The following CARD14 variants were observed in gnomAD, a reference collection of about 807,000 sequenced individuals.
CARD14 encodes the protein caspase recruitment domain family member 14, also known as caspase recruitment domain-containing protein 14.
Under a neutral mutation model 111.5 loss-of-function variants are expected in CARD14, and 107 were observed. The observed-to-expected ratio is 0.96, with a 90% CI of 0.82 to 1.13. The LOEUF (loss-of-function observed/expected upper bound fraction) is 1.13. CARD14 is among the 50% of genes most tolerant of loss of function. The pLI is 0.00. For missense variants in CARD14, 1,322 were observed against 1,362.3 expected, an observed-to-expected ratio of 0.97 and a Z score of 0.47; for synonymous variants, 617 against 579.6, an observed-to-expected ratio of 1.06 and a Z score of -0.93.
At chr17:80,173,631 C>T (rs1370643982) in intron 2 of CARD14, among the ~76,000 whole-genome samples, 1 of 151,168 alleles carries the variant, frequency 6.6e-6, no homozygotes, top group Non-Finnish European at 1.5e-5. Flanking sequence ...TGGAGTCTCG[C>T]ACTGTCACCC....
At chr17:80,181,089 TAAA>T (rs60307812) in intron 4 of CARD14, among the ~76,000 whole-genome samples, 1 of 141,446 alleles carries the variant, frequency 7.1e-6, no homozygotes, top group Non-Finnish European at 1.6e-5. Context: ...GATGAATTTC[TAAA>T]AAAAAAAAAA....
chr17:80,184,232 G>A lies in CARD14; in HGVS notation c.669G>A (p.Gln223=), dbSNP rs777994413. 82 of 1,526,296 alleles carry A rather than the reference G, an allele frequency of 5.4e-5. 2 individuals are homozygous for A. In the South Asian group the frequency reaches 1.0e-3, roughly 19 times the overall value. 94.5% of individuals were successfully genotyped at this position (1,526,296 alleles called of 1,614,324 possible). The change falls in exon 7 of 24, where the codon CAG becomes CAA. Residue 223 remains glutamine (Q), a synonymous_variant. Transcript: ENST00000648509. ...ELAASRCRSL[Q]EELYLLKQEL... ...CCGCCTCACGCTGCCGCAGCCTGCA[G>A]GAGGAGGTAGGGGGACACCCTGCAC... is the stretch of plus-strand genomic sequence containing the variant.
At chr17:80,177,236 CT>C (rs908510244) in intron 2 of CARD14, among the ~76,000 whole-genome samples, 15 of 148,898 alleles carry the variant, frequency 1.0e-4, no homozygotes, top group African/African-American at 9.8e-5. Flanking sequence ...CTTCTTCTTT[CT>C]TTTTTTTTTA....
In CARD14 at chr17:80,188,545, G is replaced by T. The variant is rs1567877527; in HGVS notation, c.843+1G>T. The stretch of plus-strand genomic sequence containing the variant: ...ACTGCGCTCGCTGACTTTCAGCCTG[G>T]TAGGTTCCGGTCCCCGCAGCAGAGA... On this transcript the variant is annotated splice_donor_variant, in intron 8 of 23. Coordinates refer to ENST00000648509, the MANE Select transcript of CARD14 (RefSeq NM_001366385.1). LOFTEE classifies it high-confidence loss of function. The surrounding 1 kb of genome is among the most constrained non-coding windows in gnomAD (Gnocchi z 4.5). 2.0e-6 allele frequency: 3 copies of T among 1,500,326 alleles called. No homozygotes were observed. Among genetic ancestry groups the T allele is most frequent in the Non-Finnish European group, 2.7e-6 (3 of 1,123,140 alleles). 92.9% of individuals were successfully genotyped at this position (1,500,326 alleles called of 1,614,324 possible).
At chr17:80,175,162 G>C (rs1254155470) in intron 2 of CARD14, among the ~76,000 whole-genome samples, 1 of 151,796 alleles carries the variant, frequency 6.6e-6, no homozygotes, top group African/African-American at 2.4e-5. Context: ...ATTTTTTGTA[G>C]AGACAGGGTT....
chr17:80,191,310 TCGTGG>T lies in CARD14; in HGVS notation c.1090-11_1090-7del. 6.2e-7 allele frequency: 1 copy of T among 1,603,664 alleles called. No homozygotes were observed. Among genetic ancestry groups the T allele is most frequent in the Non-Finnish European group, 8.5e-7 (1 of 1,171,530 alleles). On this transcript the variant is annotated splice_polypyrimidine_tract_variant and splice_region_variant and intron_variant, in intron 10 of 23. Transcript: ENST00000648509. Reference sequence around the variant, plus strand: ...TGATGGCGCGGCCTCCTTACTCCCGTCGTGGCCCACAGGCGTACTCCGCGAGGGAC... The same window carrying T: ...TGATGGCGCGGCCTCCTTACTCCCGTCCCACAGGCGTACTCCGCGAGGGAC...
chr17:80,181,512 G>T lies in CARD14; in HGVS notation c.74G>T (p.Ser25Ile), dbSNP rs2040173674. 1 of 1,585,972 alleles carries T rather than the reference G, an allele frequency of 6.3e-7. No individual in the cohort carries two copies. Among genetic ancestry groups the T allele is most frequent in the Non-Finnish European group, 8.6e-7 (1 of 1,165,156 alleles). The part of the protein sequence containing the change: ...DEETLWEMME[S>I]HRHRIVRCIC... ...GAGACACTGTGGGAGATGATGGAGA[G>T]CCACCGCCACAGGATCGTACGCTGC... The change falls in exon 5 of 24, where the codon AGC becomes ATC. Residue 25 changes from serine (S) to isoleucine (I), a missense_variant. Physicochemically the swap from Ser to Ile is moderately radical, Grantham distance 142. Transcript: ENST00000648509.
Position 80,179,089 on chromosome 17 carries a change from T to C in CARD14, c.-218-15T>C, listed in dbSNP as rs955061962. 5.3e-5 allele frequency: 8 copies of C among 152,226 alleles called. No individual in the cohort carries two copies. Among genetic ancestry groups the C allele is most frequent in the African/African-American group, 1.9e-4 (8 of 41,442 alleles). The allele number at this position is 152,226 out of a possible 1,614,324, so 9.4% of individuals were successfully genotyped here. A position where few individuals can be genotyped will look rare whatever the true frequency, so the allele number is the denominator to read the frequency against. On this transcript the variant is annotated splice_polypyrimidine_tract_variant and intron_variant, in intron 3 of 23. Coordinates refer to ENST00000648509, the MANE Select transcript of CARD14 (RefSeq NM_001366385.1). Reference sequence around the variant, plus strand: ...TGACAGGTGTTGATTTGCTCTGATTTTCAAGTATTTTTAGCATACAGATCC... The same window carrying C: ...TGACAGGTGTTGATTTGCTCTGATTCTCAAGTATTTTTAGCATACAGATCC...
In CARD14 at chr17:80,184,152, G is replaced by T; in HGVS notation, c.589G>T (p.Glu197Ter). The change falls in exon 7 of 24, where the codon GAG becomes TAG. Residue 197 changes from glutamate (E) to a stop codon, truncating the protein, a stop_gained. Coordinates refer to ENST00000648509, the MANE Select transcript of CARD14 (RefSeq NM_001366385.1). LOFTEE classifies it high-confidence loss of function. ...HFHEVLRLKDEMLSLSLHYSN... is the reference protein window; with the variant it reads ...HFHEVLRLKD The stretch of plus-strand genomic sequence containing the variant: ...CCATGAGGTGCTGAGGCTGAAGGAC[G>T]AGATGCTCAGCCTCTCGCTGCACTA... The T allele has an allele frequency of 6.4e-7, 1 of 1,565,916 alleles. No individual in the cohort carries two copies.
In CARD14 at chr17:80,203,672, C is replaced by G; in HGVS notation, c.2220-150C>G. On this transcript the variant is annotated intron_variant, in intron 18 of 23. Transcript: ENST00000648509. This position sits in a 1 kb window ranked among gnomAD's most constrained non-coding sequence, Gnocchi z 4.6. ...GGCATGGCCGCCAGGATGGAGCGCT[C>G]CAGCCTGCAGCAAAGGGATGTGTGG... The G allele has an allele frequency of 5.0e-6, 3 of 596,748 alleles. No homozygotes were observed. Among genetic ancestry groups the G allele is most frequent in the Non-Finnish European group, 6.0e-6 (2 of 335,218 alleles). The allele number at this position is 596,748 out of a possible 1,614,324, so 37.0% of individuals were successfully genotyped here. A position where few individuals can be genotyped will look rare whatever the true frequency, so the allele number is the denominator to read the frequency against.
chr17:80,176,984 C>G (rs1057454608), intron 2 of CARD14, among the ~76,000 whole-genome samples: 3 of 152,230 alleles, frequency 2.0e-5, no homozygotes, highest in Non-Finnish European at 4.4e-5. Context: ...TAAATTACCA[C>G]AAACTGGGTG....
At chr17:80,185,004 G>A (rs2040298701) in intron 7 of CARD14, among the ~76,000 whole-genome samples, 1 of 152,192 alleles carries the variant, frequency 6.6e-6, no homozygotes, top group African/African-American at 2.4e-5. Context: ...TACTGAGGAT[G>A]TGCACTCCTT....
chr17:80,190,190 G>T (rs1294777957), intron 9 of CARD14, among the ~76,000 whole-genome samples: 1 of 152,196 alleles, frequency 6.6e-6, no homozygotes, highest in African/African-American at 2.4e-5. Context: ...AGAGGACAGG[G>T]AGGGAAAATT....
chr17:80,188,373 A>T lies in CARD14; in HGVS notation c.676-4A>T, dbSNP rs200596848. The T allele has an allele frequency of 1.2e-5, 19 of 1,607,110 alleles. No individual in the cohort carries two copies. The East Asian group carries it at 4.3e-4, about 36-fold the overall frequency. The stretch of plus-strand genomic sequence containing the variant: ...GCCCTTCCTGTCGCCTCCCCACCGC[A>T]CAGCTGTATCTACTGAAGCAGGAGC... On this transcript the variant is annotated splice_polypyrimidine_tract_variant and splice_region_variant and intron_variant, in intron 7 of 23. Transcript: ENST00000648509. This position sits in a 1 kb window ranked among gnomAD's most constrained non-coding sequence, Gnocchi z 4.5.
In CARD14 at chr17:80,195,935, G is replaced by A; in HGVS notation, c.1594+283G>A. 2.4e-6 allele frequency: 1 copy of A among 425,326 alleles called. No individual in the cohort carries two copies. The allele number at this position is 425,326 out of a possible 1,614,324, so 26.3% of individuals were successfully genotyped here. A position where few individuals can be genotyped will look rare whatever the true frequency, so the allele number is the denominator to read the frequency against. Reference sequence around the variant, plus strand: ...TGATCCACGCCCTGCTCAGCACCCAGCCCCCTGCTCTGATCTGTAACGCTT... The same window carrying A: ...TGATCCACGCCCTGCTCAGCACCCAACCCCCTGCTCTGATCTGTAACGCTT... On this transcript the variant is annotated intron_variant, in intron 14 of 23. Coordinates refer to ENST00000648509, the MANE Select transcript of CARD14 (RefSeq NM_001366385.1). The surrounding 1 kb of genome is among the most constrained non-coding windows in gnomAD (Gnocchi z 4.7).
At chr17:80,202,082 G>A in intron 17 of CARD14, 98 bp from the exon 18 acceptor site, 2 of 1,277,894 alleles carry the variant, frequency 1.6e-6, no homozygotes, top group Non-Finnish European at 1.1e-6. Context: ...TCTGAGACTG[G>A]GAGGGTCCTT....
chr17:80,188,353 T>A lies in CARD14; in HGVS notation c.676-24T>A. Reference sequence around the variant, plus strand: ...GGGGAGAAGCTGTTTCCATCGCCCTTCCTGTCGCCTCCCCACCGCACAGCT... The same window carrying A: ...GGGGAGAAGCTGTTTCCATCGCCCTACCTGTCGCCTCCCCACCGCACAGCT... On this transcript the variant is annotated intron_variant, in intron 7 of 23. Transcript: ENST00000648509. The surrounding 1 kb of genome is among the most constrained non-coding windows in gnomAD (Gnocchi z 4.5). The A allele has an allele frequency of 6.2e-7, 1 of 1,601,898 alleles. No homozygotes were observed. The highest frequency in any genetic ancestry group is 8.5e-7 in the Non-Finnish European group (1 of 1,174,502).
chr17:80,184,576 A>G (rs1258777304), intron 7 of CARD14, among the ~76,000 whole-genome samples: 1 of 152,208 alleles, frequency 6.6e-6, no homozygotes, highest in Non-Finnish European at 1.5e-5. Flanking sequence ...CCTACGTCCC[A>G]CTGCCCAGCT....
At position 80,181,562 on chromosome 17, in the gene CARD14, T is replaced by A; in HGVS notation, c.124T>A (p.Tyr42Asn). The A allele has an allele frequency of 6.4e-7, 1 of 1,568,258 alleles. No individual in the cohort carries two copies. Among genetic ancestry groups the A allele is most frequent in the South Asian group, 1.2e-5 (1 of 85,166 alleles). The change falls in exon 5 of 24, where the codon TAC (tyrosine) becomes AAC (asparagine). Residue 42 changes from tyrosine (Y) to asparagine (N), a missense_variant. By Grantham distance (143) the Tyr-to-Asn change is moderately radical. Transcript: ENST00000648509. ...RCICPSRLTP[Y>N]LRQAKVLCQL... ...CATCTGCCCCAGCCGCCTCACCCCC[T>A]ACCTGCGCCAGGCCAAGGTGCTGTG...
Sources: allele counts gnomAD v4.1 joint callset (sites outside exome capture counted in the v4.1 genomes callset), GRCh38; gene constraint gnomAD v4.1.1; non-coding constraint Gnocchi (gnomAD v3.1); transcripts MANE v1.5; gene names NCBI Gene and HGNC (gene_info 2026-07-23, HGNC 2026-07-21).